RNF145: variants seen among roughly 807,000 people sequenced by gnomAD.
The protein encoded by RNF145 is ring finger protein 145.
In RNF145, 12 loss-of-function variants were observed where a neutral mutation model predicts 57.3. The observed-to-expected ratio is 0.21, with a 90% CI of 0.13 to 0.34. The LOEUF is 0.34. Among genes scored for constraint, RNF145 ranks in the 10% least tolerant of loss-of-function variants. RNF145 has a pLI of 1.00. For synonymous variants in RNF145, 262 were observed against 288.3 expected (o/e 0.91, Z 0.92); for missense variants, 429 against 799.0 (o/e 0.54, Z 5.58).
chr5:159,181,830 T>C, intron 4 of RNF145, 130 bp downstream of exon 4: 2 of 588,504 alleles, frequency 3.4e-6, no homozygotes, highest in East Asian at 5.4e-5. Flanking sequence ...ACAATGGGTA[T>C]ATGTGGGAAA....
intron 1 of RNF145, chr5:159,208,235 C>CGCCGCG (rs1453076911): frequency 9.3e-7 from 1 of 1,069,792 alleles, no homozygotes; most frequent in African/African-American, 1.6e-5. Flanking sequence ...GGGCCGCCGC[C>CGCCGCG]GCCGCGGGGC....
Position 159,209,406 on chromosome 5 carries a change from G to A in RNF145, c.-215C>T. 1 of 981,974 alleles carries A rather than the reference G, an allele frequency of 1.0e-6. No homozygotes were observed. The highest frequency in any genetic ancestry group is 1.2e-6 in the Non-Finnish European group (1 of 827,166). The allele number at this position is 981,974 out of a possible 1,614,324, so 60.8% of individuals were successfully genotyped here. A position where few individuals can be genotyped will look rare whatever the true frequency, so the allele number is the denominator to read the frequency against. On this transcript the variant is annotated 5_prime_UTR_variant, in exon 1 of 11. Transcript: ENST00000424310. ...CCTCGGATGTTGCTTCTGGGGAGGC[G>A]GAGGCAGCGGCAGCGGCAGCGGCCC... is the stretch of plus-strand genomic sequence containing the variant.
chr5:159,180,464 C>T (rs1584684153), intron 4 of RNF145, among the ~76,000 whole-genome samples: 1 of 152,166 alleles, frequency 6.6e-6, no homozygotes, highest in African/African-American at 2.4e-5. Context: ...AAACTTACAT[C>T]CTTTGCTCTA....
intron 3 of RNF145, among the ~76,000 whole-genome samples, chr5:159,191,788 G>A (rs1785298287): frequency 6.6e-6 from 1 of 152,038 alleles, no homozygotes; most frequent in Non-Finnish European, 1.5e-5. Flanking sequence ...TTTAAAATAA[G>A]CTTTAATTTC....
chr5:159,185,865 C>G (rs1215250583), intron 3 of RNF145, among the ~76,000 whole-genome samples: 1 of 152,140 alleles, frequency 6.6e-6, no homozygotes, highest in African/African-American at 2.4e-5. Context: ...ATCTACGTCC[C>G]TAGTCCTGTA....
rs905242173 is a variant in RNF145 at position 159,158,596 on chromosome 5, A to C, written c.*74T>G. ...CTGATCATCTCATTTTCATTCCTCA[A>C]ATCAGAACATGAATTCCATCTTGAG... On this transcript the variant is annotated 3_prime_UTR_variant, in exon 11 of 11. Transcript: ENST00000424310. The C allele has an allele frequency of 6.6e-7, 1 of 1,516,434 alleles. No individual in the cohort carries two copies. Among genetic ancestry groups the C allele is most frequent in the Non-Finnish European group, 8.9e-7 (1 of 1,123,640 alleles). 93.9% of individuals were successfully genotyped at this position (1,516,434 alleles called of 1,614,324 possible).
intron 6 of RNF145, among the ~76,000 whole-genome samples, chr5:159,172,917 C>T (rs1784602151): frequency 6.6e-6 from 1 of 152,120 alleles, no homozygotes; most frequent in Non-Finnish European, 1.5e-5. Flanking sequence ...AGATTTTCAT[C>T]CCTACTTTTT....
At chr5:159,208,962 C>A (rs1232778480) in intron 1 of RNF145, among the ~76,000 whole-genome samples, 1 of 150,142 alleles carries the variant, frequency 6.7e-6, no homozygotes, top group Non-Finnish European at 1.5e-5. Context: ...GGGGGCTTTG[C>A]GCGGGGCCCA....
intron 3 of RNF145, among the ~76,000 whole-genome samples, chr5:159,188,412 T>C (rs898985463): frequency 6.6e-6 from 1 of 150,498 alleles, no homozygotes; most frequent in African/African-American, 2.4e-5. Context: ...AAAAAAGAAA[T>C]ACTGGAGTTT....
At chr5:159,192,118 T>C (rs2113202890) in intron 3 of RNF145, among the ~76,000 whole-genome samples, 1 of 152,162 alleles carries the variant, frequency 6.6e-6, no homozygotes, top group African/African-American at 2.4e-5. Flanking sequence ...CCCTGAAGAA[T>C]ATAGTATAAA....
intron 6 of RNF145, among the ~76,000 whole-genome samples, chr5:159,173,181 T>G (rs751442663): frequency 6.6e-6 from 1 of 152,194 alleles, no homozygotes; most frequent in East Asian, 1.9e-4. Context: ...CAGGACAGCT[T>G]TGAATGCAGC....
chr5:159,207,768 A>G (rs1785947616), intron 1 of RNF145: 2 of 1,614,032 alleles, frequency 1.2e-6, no homozygotes, highest in African/African-American at 2.7e-5. Flanking sequence ...ATCTCCACAT[A>G]AACTACTAGC....
At chr5:159,178,228 T>C (rs963996234) in intron 4 of RNF145, among the ~76,000 whole-genome samples, 3 of 152,128 alleles carry the variant, frequency 2.0e-5, no homozygotes, top group South Asian at 2.1e-4. Flanking sequence ...ATTTGATTTA[T>C]TGTGGAATAA....
chr5:159,163,518 A>G (rs937877825), intron 8 of RNF145, among the ~76,000 whole-genome samples: 10 of 152,142 alleles, frequency 6.6e-5, no homozygotes, highest in Non-Finnish European at 1.2e-4. Flanking sequence ...GTGCAGTGTG[A>G]CTAATAGGAA....
chr5:159,162,305 C>T (rs1784242925), intron 9 of RNF145, among the ~76,000 whole-genome samples: 1 of 151,948 alleles, frequency 6.6e-6, no homozygotes, highest in Non-Finnish European at 1.5e-5. Flanking sequence ...ATTTTAGTTA[C>T]TTGTCAATTT....
At chr5:159,208,917 C>T (rs867554966) in intron 1 of RNF145, among the ~76,000 whole-genome samples, 23 of 110,632 alleles carry the variant, frequency 2.1e-4, no homozygotes, top group Middle Eastern at 4.1e-3. Flanking sequence ...GATGGGAGGG[C>T]GGGGAGGCAG....
intron 8 of RNF145, among the ~76,000 whole-genome samples, chr5:159,163,359 GC>G (rs1784291960): frequency 6.6e-6 from 1 of 152,152 alleles, no homozygotes; most frequent in Non-Finnish European, 1.5e-5. Context: ...ATTATTTCAG[GC>G]TTTTGTAGCC....
At chr5:159,194,306 G>GGAT (rs1323307842) in intron 3 of RNF145, among the ~76,000 whole-genome samples, 1 of 152,148 alleles carries the variant, frequency 6.6e-6, no homozygotes, top group Non-Finnish European at 1.5e-5. Flanking sequence ...CGAGTAGATG[G>GGAT]GATTACAGGC....
At chr5:159,168,689 A>G (rs1423054296) in intron 8 of RNF145, among the ~76,000 whole-genome samples, 184 bp downstream of exon 8, 2 of 152,198 alleles carry the variant, frequency 1.3e-5, no homozygotes, top group Non-Finnish European at 2.9e-5. Flanking sequence ...AAAAAACAAA[A>G]GTCAAGTAAG....
Sources: allele counts gnomAD v4.1 joint callset (sites outside exome capture counted in the v4.1 genomes callset), GRCh38; gene constraint gnomAD v4.1.1; transcripts MANE v1.5; gene names NCBI Gene and HGNC (gene_info 2026-07-23, HGNC 2026-07-21).